VWF: variants seen among roughly 807,000 people sequenced by gnomAD.
VWF encodes the protein von Willebrand factor, also known as Factor VIII related antigen.
VWF carries 176 observed loss-of-function variants against 308.6 expected under a neutral mutation model. That is an observed-to-expected ratio of 0.57 (90% CI 0.50 to 0.65). The LOEUF (loss-of-function observed/expected upper bound fraction) is 0.65. VWF is among the 30% of genes least tolerant of loss of function. VWF has a pLI of 0.00. For synonymous variants in VWF, 1,385 were observed against 1,443.4 expected (o/e 0.96, Z 0.92); for missense variants, 3,146 against 3,648.2 (o/e 0.86, Z 3.55).
At chr12:6,087,944 C>T (rs145620205) in intron 6 of VWF, among the ~76,000 whole-genome samples, 1 of 152,132 alleles carries the variant, frequency 6.6e-6, no homozygotes, top group African/African-American at 2.4e-5. Flanking sequence ...GACTGATCGC[C>T]TTGAGGAGGT....
chr12:5,953,839 C>CCTGAGT, intron 47 of VWF: 1 of 511,604 alleles, frequency 2.0e-6, no homozygotes, highest in Non-Finnish European at 3.5e-6. Flanking sequence ...AGACCTTTTC[C>CCTGAGT]CTGAGCTTCA....
Position 6,046,931 on chromosome 12 carries a change from A to AG in VWF, c.2187-115_2187-114insC. ...CTTCCAACCAGGTCCCAGTCCCATA[A>AG]CCCCTCCTGAAGCACAGCTTGCTAA... On this transcript the variant is annotated intron_variant, in intron 16 of 51. Transcript: ENST00000261405. The surrounding 1 kb of genome is among the most constrained non-coding windows in gnomAD (Gnocchi z 5.0). 1.1e-6 allele frequency: 1 copy of AG among 885,668 alleles called. No individual in the cohort carries two copies. The highest frequency in any genetic ancestry group is 1.8e-6 in the Non-Finnish European group (1 of 549,666). The allele number at this position is 885,668 out of a possible 1,614,324, so 54.9% of individuals were successfully genotyped here. A position where few individuals can be genotyped will look rare whatever the true frequency, so the allele number is the denominator to read the frequency against.
intron 18 of VWF, among the ~76,000 whole-genome samples, chr12:6,042,777 T>G (rs184425867): frequency 2.0e-5 from 3 of 152,342 alleles, no homozygotes; most frequent in Admixed American, 2.0e-4. Flanking sequence ...AATATAATTA[T>G]TGTGGTTACT....
intron 16 of VWF, among the ~76,000 whole-genome samples, chr12:6,050,879 C>T (rs10849379): frequency 0.54 from 81,250 of 151,348 alleles, 22,435 homozygotes; most frequent in East Asian, 0.7. Context: ...CGCTTGAACC[C>T]CAGAGGTGGA....
At chr12:6,025,234 A>G (rs1389155981) in intron 24 of VWF, among the ~76,000 whole-genome samples, 1 of 152,222 alleles carries the variant, frequency 6.6e-6, no homozygotes, top group African/African-American at 2.4e-5. Context: ...CAAATGCAGC[A>G]GTGACAGGAA....
At position 5,964,273 on chromosome 12, in the gene VWF, T is replaced by C. The variant is rs1591833429; in HGVS notation, c.7887+3213A>G. Among the ~76,000 whole-genome samples the C allele has an allele frequency of 3.0e-5, 4 of 132,766 alleles. No individual in the cohort carries two copies. The South Asian group carries it at 8.5e-4, about 28-fold the overall frequency. The allele number at this position is 132,766 out of a possible 152,430, so 87.1% of individuals were successfully genotyped here. ...ATGCATACATACATACATACATACATGCATACATACATGCATACATACATA... is the reference window on the plus strand; with the variant it reads ...ATGCATACATACATACATACATACACGCATACATACATGCATACATACATA... On this transcript the variant is annotated intron_variant, in intron 47 of 51. Coordinates refer to ENST00000261405, the MANE Select transcript of VWF (RefSeq NM_000552.5).
chr12:6,085,419 T>A (rs2239150), intron 6 of VWF, among the ~76,000 whole-genome samples: 42,235 of 151,854 alleles, frequency 0.28, 6,562 homozygotes, highest in East Asian at 0.45. Flanking sequence ...CTACGTTGTA[T>A]CACGCAAGCC....
intron 14 of VWF, 103 bp from the exon 15 acceptor site, chr12:6,057,175 G>A: frequency 9.2e-7 from 1 of 1,082,338 alleles, no homozygotes; most frequent in South Asian, 1.6e-5. Flanking sequence ...TGCTAATAGA[G>A]GGCTGCAAGG....
intron 7 of VWF, among the ~76,000 whole-genome samples, chr12:6,074,729 G>A (rs1392832155): frequency 6.6e-6 from 1 of 152,120 alleles, no homozygotes; most frequent in Non-Finnish European, 1.5e-5. Context: ...GGGGAAAGAG[G>A]AGACTTCTTG....
At chr12:5,982,962 G>A (rs977399069) in intron 41 of VWF, among the ~76,000 whole-genome samples, 188 bp downstream of exon 41, 14 of 152,326 alleles carry the variant, frequency 9.2e-5, no homozygotes, top group Middle Eastern at 3.4e-3. Context: ...CTTCAGCAGC[G>A]TGCAGCCGGA....
chr12:6,091,524 A>G (rs1304979064), intron 6 of VWF, among the ~76,000 whole-genome samples: 3 of 152,162 alleles, frequency 2.0e-5, no homozygotes, highest in Non-Finnish European at 2.9e-5. Flanking sequence ...ATCCACAGAA[A>G]CACATAATGA....
intron 47 of VWF, among the ~76,000 whole-genome samples, chr12:5,956,108 G>C (rs552687571): frequency 6.6e-6 from 1 of 152,130 alleles, no homozygotes; most frequent in South Asian, 2.1e-4. Context: ...CCTATCACCT[G>C]GTGACTTCAT....
At chr12:5,970,023 G>A (rs949806683) in intron 44 of VWF, among the ~76,000 whole-genome samples, 4 of 152,092 alleles carry the variant, frequency 2.6e-5, no homozygotes, top group South Asian at 2.1e-4. Context: ...GCCCTCTGCC[G>A]CCATCTCAGG....
intron 6 of VWF, among the ~76,000 whole-genome samples, chr12:6,082,710 ATCT>A (rs1488131120): frequency 1.3e-5 from 2 of 152,178 alleles, no homozygotes; most frequent in Non-Finnish European, 2.9e-5. Context: ...CTGTCCATAA[ATCT>A]TCTTTGACCA....
chr12:5,953,712 G>A (rs3759321), intron 47 of VWF, 118 bp from the exon 48 acceptor site: 396,720 of 837,580 alleles, frequency 0.47, 97,357 homozygotes, highest in Middle Eastern at 0.59. Context: ...CCTAGAATTC[G>A]GAAAGTCAAC....
chr12:6,073,295 G>A (rs1258649999), intron 8 of VWF, among the ~76,000 whole-genome samples: 2 of 152,042 alleles, frequency 1.3e-5, no homozygotes, highest in African/African-American at 2.4e-5. Flanking sequence ...TTCCCAGATC[G>A]GTTCCCTGAC....
chr12:6,032,077 G>A (rs1944269649), intron 20 of VWF, among the ~76,000 whole-genome samples: 1 of 152,306 alleles, frequency 6.6e-6, no homozygotes, highest in South Asian at 2.1e-4. Flanking sequence ...CTACCAAGTC[G>A]AGATGAGTAG....
At chr12:5,970,254 C>T (rs1038020986) in intron 44 of VWF, among the ~76,000 whole-genome samples, 1 of 152,142 alleles carries the variant, frequency 6.6e-6, no homozygotes, top group Non-Finnish European at 1.5e-5. Flanking sequence ...CCCATTGCCA[C>T]CACCCCCCGC....
At chr12:6,036,564 G>T in intron 18 of VWF, 73 bp from the exon 19 acceptor site, 1 of 1,427,786 alleles carries the variant, frequency 7.0e-7, no homozygotes, top group Non-Finnish European at 9.8e-7. Context: ...CCCGCTCCAG[G>T]AAGTGTTGTC....
Sources: gnomAD v4.1 joint callset for allele counts (sites outside exome capture counted in the v4.1 genomes callset) on GRCh38, gnomAD v4.1.1 for gene constraint, Gnocchi (gnomAD v3.1) non-coding constraint, MANE v1.5 for transcripts, NCBI Gene and HGNC (gene_info 2026-07-23, HGNC 2026-07-21) for gene names.